FRAS1: variants seen among roughly 807,000 people sequenced by gnomAD.
The protein encoded by FRAS1 is extracellular matrix organizing protein FRAS1.
Under a neutral mutation model 435.2 loss-of-function variants are expected in FRAS1, and 290 were observed. That is an observed-to-expected ratio of 0.67 (90% CI 0.61 to 0.73). The LOEUF (loss-of-function observed/expected upper bound fraction) is 0.73, where lower values mean the gene tolerates loss of function less well. Ranked by LOEUF, FRAS1 falls within the 30% of genes least tolerant of loss-of-function variation. The probability of loss-of-function intolerance (pLI) is 0.00; values close to 1 mark genes in which losing one functional copy is unlikely to be tolerated. For missense variants in FRAS1, 4,860 were observed against 5,001.5 expected, an observed-to-expected ratio of 0.97 and a Z score of 0.85; for synonymous variants, 1,800 against 1,851.0, an observed-to-expected ratio of 0.97 and a Z score of 0.71.
At chr4:78,144,851 A>T (rs569397672) in intron 2 of FRAS1, among the ~76,000 whole-genome samples, 3 of 152,282 alleles carry the variant, frequency 2.0e-5, no homozygotes, top group Non-Finnish European at 4.4e-5. Context: ...AATTTATTCC[A>T]GTGTACCAGT....
rs889876164 is a variant in FRAS1, at chr4:78,239,050, A to G, written c.216+1433A>G. Among the ~76,000 whole-genome samples, 8 of 152,258 alleles carry G rather than the reference A, an allele frequency of 5.3e-5. No homozygotes were observed. The South Asian group carries it at 6.2e-4, about 12-fold the overall frequency. On this transcript the variant is annotated intron_variant, in intron 3 of 73. Coordinates refer to ENST00000512123, the MANE Select transcript of FRAS1 (RefSeq NM_025074.7). ...CACGGGCTCACTTATTTGTTTATGTATAGACCTTGGCTGCAACAATAGCAT... is the reference window on the plus strand; with the variant it reads ...CACGGGCTCACTTATTTGTTTATGTGTAGACCTTGGCTGCAACAATAGCAT...
intron 34 of FRAS1, 66 bp downstream of exon 34, chr4:78,422,066 C>T: frequency 6.6e-7 from 1 of 1,508,236 alleles, no homozygotes; most frequent in Non-Finnish European, 8.9e-7. Context: ...ACAGGCTCGC[C>T]CTAACTCTCC....
intron 2 of FRAS1, among the ~76,000 whole-genome samples, chr4:78,116,102 A>T (rs1021392520): frequency 1.4e-4 from 21 of 152,176 alleles, no homozygotes; most frequent in Admixed American, 2.6e-4. Flanking sequence ...GTAGTCATTC[A>T]GGAGCAGGTT....
At chr4:78,345,199 G>A (rs1730560083) in intron 20 of FRAS1, among the ~76,000 whole-genome samples, 3 of 152,148 alleles carry the variant, frequency 2.0e-5, no homozygotes, top group Admixed American at 6.5e-5. Flanking sequence ...TGTTTATAAA[G>A]TTTTATAATT....
rs867911374 is a variant in FRAS1, at chr4:78,337,752, C to T, written c.2357C>T (p.Thr786Ile). ...CISCYPHISL[T>I]NGNCRTSCRE... ...TCCTGTTACCCTCACATCTCTCTTA[C>T]CAATGGTAACTGCAGGACCAGCTGC... Residue 786 changes from threonine to isoleucine, a missense_variant, in exon 20 of 74, where the codon ACC becomes ATC. Coordinates refer to ENST00000512123, the MANE Select transcript of FRAS1 (RefSeq NM_025074.7). 2 of 1,613,920 alleles carry T rather than the reference C, an allele frequency of 1.2e-6. No individual in the cohort carries two copies. Among genetic ancestry groups the T allele is most frequent in the Admixed American group, 1.7e-5 (1 of 60,024 alleles).
At chr4:78,184,627 G>C (rs76728105) in intron 2 of FRAS1, among the ~76,000 whole-genome samples, 2 of 152,276 alleles carry the variant, frequency 1.3e-5, no homozygotes, top group East Asian at 3.9e-4. Context: ...TGGGCAGTCT[G>C]CAACCCCTGG....
At chr4:78,190,460 T>C (rs903221999) in intron 2 of FRAS1, among the ~76,000 whole-genome samples, 6 of 152,108 alleles carry the variant, frequency 3.9e-5, no homozygotes, top group African/African-American at 1.4e-4. Context: ...TTTTTTTTTC[T>C]TCCCATTGTT....
At chr4:78,140,968 G>A (rs1720157160) in intron 2 of FRAS1, among the ~76,000 whole-genome samples, 1 of 152,074 alleles carries the variant, frequency 6.6e-6, no homozygotes, top group Admixed American at 6.6e-5. Context: ...AATGATAAAA[G>A]GTGGGTGATG....
intron 12 of FRAS1, among the ~76,000 whole-genome samples, 168 bp from the exon 13 acceptor site, chr4:78,284,229 ATTTTTTTT>A (rs11453256): frequency 9.9e-5 from 8 of 80,818 alleles, no homozygotes; most frequent in Non-Finnish European, 1.7e-4. Context: ...ATTGGAATGT[ATTTTTTTT>A]TTTTTTTTTT....
At chr4:78,095,946 T>A (rs1315572118) in intron 2 of FRAS1, among the ~76,000 whole-genome samples, 1 of 152,194 alleles carries the variant, frequency 6.6e-6, no homozygotes, top group African/African-American at 2.4e-5. Flanking sequence ...CCCAGAGTCT[T>A]ACCTCATTCC....
intron 20 of FRAS1, among the ~76,000 whole-genome samples, chr4:78,362,186 A>G (rs1312528792): frequency 1.3e-5 from 2 of 152,204 alleles, no homozygotes; most frequent in Non-Finnish European, 2.9e-5. Context: ...ACTCTTCTTC[A>G]TAACTTTATC....
intron 23 of FRAS1, among the ~76,000 whole-genome samples, chr4:78,371,923 G>A (rs114853883): frequency 6.6e-6 from 1 of 152,208 alleles, no homozygotes; most frequent in Admixed American, 6.5e-5. Flanking sequence ...TAAATCTGAT[G>A]CTGAGCCTAA....
chr4:78,271,473 A>G (rs1015160709), intron 9 of FRAS1, among the ~76,000 whole-genome samples: 3 of 151,240 alleles, frequency 2.0e-5, no homozygotes, highest in Non-Finnish European at 4.4e-5. Flanking sequence ...CCTACCCCCA[A>G]CCCACAACAG....
chr4:78,194,799 G>T (rs1722723436), intron 2 of FRAS1, among the ~76,000 whole-genome samples: 2 of 152,152 alleles, frequency 1.3e-5, no homozygotes, highest in African/African-American at 4.8e-5. Context: ...ATCCAGCTTT[G>T]TTCCGTTGCT....
At chr4:78,117,343 G>A (rs998377061) in intron 2 of FRAS1, among the ~76,000 whole-genome samples, 2 of 152,106 alleles carry the variant, frequency 1.3e-5, no homozygotes, top group Non-Finnish European at 2.9e-5. Flanking sequence ...TATCTTTGTG[G>A]CGTTCTCTAT....
intron 14 of FRAS1, among the ~76,000 whole-genome samples, chr4:78,306,925 G>C (rs1190908370): frequency 6.6e-6 from 1 of 152,210 alleles, no homozygotes; most frequent in Non-Finnish European, 1.5e-5. Flanking sequence ...CGTTCCTTTG[G>C]AGGAGGAGAG....
chr4:78,292,322 CAGATT>C (rs1194888174), intron 14 of FRAS1, among the ~76,000 whole-genome samples: 1 of 152,104 alleles, frequency 6.6e-6, no homozygotes, highest in African/African-American at 2.4e-5. Context: ...TTTAAGTGCT[CAGATT>C]AAACAATGAG....
chr4:78,502,990 T>C (rs953008177), intron 61 of FRAS1, among the ~76,000 whole-genome samples: 23 of 152,248 alleles, frequency 1.5e-4, no homozygotes, highest in Non-Finnish European at 2.9e-4. Context: ...TTTTTGTCAC[T>C]GGTTCTGTTT....
intron 9 of FRAS1, among the ~76,000 whole-genome samples, chr4:78,270,032 T>C (rs1460523307): frequency 6.6e-6 from 1 of 152,138 alleles, no homozygotes; most frequent in Admixed American, 6.6e-5. Flanking sequence ...AGGGTAGAGA[T>C]TCTGTCTGGC....
Sources: allele counts gnomAD v4.1 joint callset (sites outside exome capture counted in the v4.1 genomes callset), GRCh38; gene constraint gnomAD v4.1.1; transcripts MANE v1.5; gene names NCBI Gene and HGNC (gene_info 2026-07-23, HGNC 2026-07-21).